THSD7A: variants seen among roughly 807,000 people sequenced by gnomAD.
THSD7A encodes thrombospondin type 1 domain containing 7A.
THSD7A carries 96 observed loss-of-function variants against 231.3 expected under a neutral mutation model. The observed-to-expected ratio is 0.41, with a 90% CI of 0.35 to 0.49. The LOEUF (loss-of-function observed/expected upper bound fraction) is 0.49, where lower values mean the gene tolerates loss of function less well. Ranked by LOEUF, THSD7A falls within the 20% of genes least tolerant of loss-of-function variation. THSD7A has a pLI of 0.05. For missense variants in THSD7A, 2,290 were observed against 2,070.2 expected, an observed-to-expected ratio of 1.11 and a Z score of -2.06; for synonymous variants, 940 against 743.3, an observed-to-expected ratio of 1.26 and a Z score of -4.30.
At chr7:11,760,310 C>T (rs912708521) in intron 1 of THSD7A, among the ~76,000 whole-genome samples, 1 of 151,960 alleles carries the variant, frequency 6.6e-6, no homozygotes, top group Non-Finnish European at 1.5e-5. Flanking sequence ...TAAGAAAGAA[C>T]ATTCAGTAAC....
intron 1 of THSD7A, among the ~76,000 whole-genome samples, chr7:11,695,788 A>G (rs1433467346): frequency 1.3e-5 from 2 of 151,500 alleles, no homozygotes; most frequent in Non-Finnish European, 3.0e-5. Flanking sequence ...CATCTTGAAT[A>G]TGGTGATAAA....
At chr7:11,815,745 A>G (rs973826689) in intron 1 of THSD7A, among the ~76,000 whole-genome samples, 1 of 152,182 alleles carries the variant, frequency 6.6e-6, no homozygotes, top group African/African-American at 2.4e-5. Flanking sequence ...GCAATATTTT[A>G]TAAACCCAAA....
At chr7:11,577,285 A>G (rs1295359747) in intron 4 of THSD7A, among the ~76,000 whole-genome samples, 2 of 146,104 alleles carry the variant, frequency 1.4e-5, no homozygotes, top group African/African-American at 5.0e-5. Context: ...AGCACATATA[A>G]AACAATAGAA....
chr7:11,442,740 GT>G (rs1784845301), intron 13 of THSD7A, among the ~76,000 whole-genome samples: 1 of 152,048 alleles, frequency 6.6e-6, no homozygotes, highest in Admixed American at 6.6e-5. Flanking sequence ...GAGTAATTAT[GT>G]TAGTAAACAC....
intron 1 of THSD7A, among the ~76,000 whole-genome samples, chr7:11,705,640 T>A (rs897661471): frequency 3.3e-5 from 5 of 151,026 alleles, no homozygotes; most frequent in African/African-American, 4.8e-5. Context: ...TTTTAGGTGT[T>A]ACAATAAAAT....
chr7:11,679,517 C>A (rs1342761175), intron 1 of THSD7A, among the ~76,000 whole-genome samples: 2 of 152,122 alleles, frequency 1.3e-5, no homozygotes, highest in East Asian at 3.9e-4. Context: ...GATACAAAAT[C>A]AATATGCATA....
At chr7:11,716,834 C>G (rs1223867246) in intron 1 of THSD7A, among the ~76,000 whole-genome samples, 1 of 151,410 alleles carries the variant, frequency 6.6e-6, no homozygotes. Context: ...ACTACTACTA[C>G]TAAGAAAAAC....
chr7:11,784,090 A>G (rs1783713195), intron 1 of THSD7A, among the ~76,000 whole-genome samples: 1 of 151,984 alleles, frequency 6.6e-6, no homozygotes, highest in South Asian at 2.1e-4. Context: ...ATAAAAGTAA[A>G]CATATCCTCC....
intron 1 of THSD7A, among the ~76,000 whole-genome samples, chr7:11,661,137 T>C (rs1170070026): frequency 2.6e-5 from 4 of 151,396 alleles, no homozygotes; most frequent in Non-Finnish European, 3.0e-5. Flanking sequence ...CTATCAGTTA[T>C]AGGTTTCAAA....
Position 11,593,518 on chromosome 7 carries a change from G to A in THSD7A, c.1023-16C>T, listed in dbSNP as rs769419217. On this transcript the variant is annotated splice_polypyrimidine_tract_variant and intron_variant, in intron 2 of 27. Coordinates refer to ENST00000423059, the MANE Select transcript of THSD7A (RefSeq NM_015204.3). ...CTGGCAAAAGCTGTAAAAGAGCATTGATATTCTCATTACAGACTCACAGGC... is the reference window on the plus strand; with the variant it reads ...CTGGCAAAAGCTGTAAAAGAGCATTAATATTCTCATTACAGACTCACAGGC... 2 of 1,612,302 alleles carry A rather than the reference G, an allele frequency of 1.2e-6. No homozygotes were observed. Among genetic ancestry groups the A allele is most frequent in the East Asian group, 2.2e-5 (1 of 44,830 alleles).
At chr7:11,526,281 T>C (rs571992080) in intron 6 of THSD7A, among the ~76,000 whole-genome samples, 2 of 152,310 alleles carry the variant, frequency 1.3e-5, no homozygotes, top group South Asian at 2.1e-4. Context: ...ACTTCTGTGC[T>C]TTGCATAATC....
chr7:11,624,032 T>A (rs943486879), intron 2 of THSD7A, among the ~76,000 whole-genome samples: 1 of 152,200 alleles, frequency 6.6e-6, no homozygotes, highest in Non-Finnish European at 1.5e-5. Flanking sequence ...TCCCAGCATT[T>A]TGCCATTTAT....
chr7:11,560,675 A>G (rs996499712), intron 4 of THSD7A, among the ~76,000 whole-genome samples: 5 of 152,160 alleles, frequency 3.3e-5, no homozygotes, highest in African/African-American at 1.2e-4. Context: ...CCTTAAAAAT[A>G]ATCTAACACA....
chr7:11,422,385 C>A (rs759804436), intron 16 of THSD7A, among the ~76,000 whole-genome samples: 12 of 152,208 alleles, frequency 7.9e-5, no homozygotes, highest in Admixed American at 6.5e-4. Context: ...TCAAGCAGGA[C>A]ATTTTGACCT....
chr7:11,491,811 C>G (rs573570331), intron 6 of THSD7A, among the ~76,000 whole-genome samples: 10 of 150,220 alleles, frequency 6.7e-5, no homozygotes, highest in African/African-American at 2.2e-4. Context: ...CTTTGCCCTC[C>G]ATCACACTAA....
chr7:11,448,870 GT>G (rs2128295059), intron 11 of THSD7A, among the ~76,000 whole-genome samples: 1 of 152,210 alleles, frequency 6.6e-6, no homozygotes, highest in East Asian at 1.9e-4. Flanking sequence ...GGAAGGGCCA[GT>G]TTGTAAGAAA....
At chr7:11,492,916 T>A (rs1786958487) in intron 6 of THSD7A, among the ~76,000 whole-genome samples, 1 of 152,034 alleles carries the variant, frequency 6.6e-6, no homozygotes, top group African/African-American at 2.4e-5. Flanking sequence ...AGTTGTCTGC[T>A]AGGAGATCAC....
At chr7:11,399,304 T>G (rs887238080) in intron 23 of THSD7A, among the ~76,000 whole-genome samples, 1 of 152,222 alleles carries the variant, frequency 6.6e-6, no homozygotes, top group African/African-American at 2.4e-5. Context: ...TTACTTCTGT[T>G]AGAAAAAGCT....
At chr7:11,386,185 A>C (rs1782736164) in intron 23 of THSD7A, among the ~76,000 whole-genome samples, 1 of 152,162 alleles carries the variant, frequency 6.6e-6, no homozygotes, top group Non-Finnish European at 1.5e-5. Flanking sequence ...ATATGTGTGC[A>C]TGTGTCTTTA....
Sources: allele counts gnomAD v4.1 joint callset (sites outside exome capture counted in the v4.1 genomes callset), GRCh38; gene constraint gnomAD v4.1.1; transcripts MANE v1.5; gene names NCBI Gene and HGNC (gene_info 2026-07-23, HGNC 2026-07-21).